Variants in OPCML observed in about 807,000 individuals in gnomAD.
OPCML encodes the protein opioid binding protein/cell adhesion molecule like.
OPCML carries 13 observed loss-of-function variants against 37.8 expected under a neutral mutation model. The observed-to-expected ratio is 0.34, with a 90% CI of 0.22 to 0.55. The LOEUF is 0.55. Among genes scored for constraint, OPCML ranks in the 20% least tolerant of loss-of-function variants. The probability of loss-of-function intolerance (pLI) is 0.91; values close to 1 mark genes in which losing one functional copy is unlikely to be tolerated. For synonymous variants in OPCML, 176 were observed against 168.8 expected, an observed-to-expected ratio of 1.04 and a Z score of -0.33; for missense variants, 341 against 435.6, an observed-to-expected ratio of 0.78 and a Z score of 1.93.
chr11:132,844,784 CAT>C (rs951796502), intron 2 of OPCML, among the ~76,000 whole-genome samples: 18 of 152,082 alleles, frequency 1.2e-4, no homozygotes, highest in African/African-American at 4.3e-4. Flanking sequence ...TTTGCAAAAA[CAT>C]GTGGCAAGTG....
At chr11:132,856,935 C>G (rs2136346002) in intron 2 of OPCML, among the ~76,000 whole-genome samples, 1 of 152,304 alleles carries the variant, frequency 6.6e-6, no homozygotes, top group South Asian at 2.1e-4. Flanking sequence ...TGCTCTAAAA[C>G]TTTTTAAATA....
chr11:132,806,938 G>A (rs757638881), intron 2 of OPCML, among the ~76,000 whole-genome samples: 1 of 152,124 alleles, frequency 6.6e-6, no homozygotes, highest in Non-Finnish European at 1.5e-5. Context: ...AATAACTCAT[G>A]GATCAAAGGA....
intron 1 of OPCML, among the ~76,000 whole-genome samples, chr11:133,479,016 T>G (rs943336465): frequency 6.6e-6 from 1 of 152,206 alleles, no homozygotes; most frequent in South Asian, 2.1e-4. Context: ...ATTGCTTTTC[T>G]TTTTTTGTAT....
intron 1 of OPCML, among the ~76,000 whole-genome samples, chr11:132,946,897 G>C (rs936729080): frequency 6.6e-6 from 1 of 152,170 alleles, no homozygotes; most frequent in African/African-American, 2.4e-5. Context: ...TTCTAGTCTA[G>C]TATCACCAGA....
At chr11:133,298,270 A>C (rs1942678401) in intron 1 of OPCML, 1 of 152,178 alleles carries the variant, frequency 6.6e-6, no homozygotes, top group Non-Finnish European at 1.5e-5. Flanking sequence ...AAAGATAGGG[A>C]GGGAGAGCAG....
At chr11:133,040,551 G>A (rs892867613) in intron 1 of OPCML, among the ~76,000 whole-genome samples, 1 of 152,202 alleles carries the variant, frequency 6.6e-6, no homozygotes, top group Non-Finnish European at 1.5e-5. Context: ...GAGGAGTGTT[G>A]GATGTCTGAA....
intron 1 of OPCML, among the ~76,000 whole-genome samples, chr11:133,231,841 G>A (rs1359506738): frequency 6.6e-6 from 1 of 152,180 alleles, no homozygotes; most frequent in Non-Finnish European, 1.5e-5. Context: ...ATTGTCAAAG[G>A]AGAAGGGGCA....
At chr11:132,892,656 A>G (rs1467692871) in intron 2 of OPCML, among the ~76,000 whole-genome samples, 1 of 152,094 alleles carries the variant, frequency 6.6e-6, no homozygotes, top group East Asian at 1.9e-4. Context: ...AATCCCAGCT[A>G]CTCGGGAGGC....
chr11:132,571,582 T>C (rs1304064761), intron 3 of OPCML, among the ~76,000 whole-genome samples: 1 of 152,146 alleles, frequency 6.6e-6, no homozygotes, highest in Non-Finnish European at 1.5e-5. Flanking sequence ...GGTCCATCCA[T>C]CCTGTCACAT....
intron 1 of OPCML, among the ~76,000 whole-genome samples, chr11:132,945,838 A>T (rs1055062245): frequency 1.3e-5 from 2 of 152,182 alleles, no homozygotes; most frequent in Non-Finnish European, 1.5e-5. Flanking sequence ...GCTGGAGTGC[A>T]GTGGCGCAAT....
intron 1 of OPCML, among the ~76,000 whole-genome samples, chr11:133,441,724 C>A (rs1946368086): frequency 6.6e-6 from 1 of 152,056 alleles, no homozygotes; most frequent in Admixed American, 6.5e-5. Flanking sequence ...GAATTATAAA[C>A]TTCCTTAACT....
intron 3 of OPCML, among the ~76,000 whole-genome samples, chr11:132,590,656 G>A (rs370128963): frequency 2.0e-5 from 3 of 152,218 alleles, no homozygotes; most frequent in Middle Eastern, 3.4e-3. Context: ...CTAGGTTTTC[G>A]TGACTCCAAA....
intron 7 of OPCML, 27 bp from the exon 8 acceptor site, chr11:132,420,320 C>T (rs2095953780): frequency 6.2e-7 from 1 of 1,611,978 alleles, no homozygotes; most frequent in Non-Finnish European, 8.5e-7. Context: ...GAGACAGACC[C>T]ATTAGCATAC....
intron 1 of OPCML, among the ~76,000 whole-genome samples, chr11:133,455,589 G>A (rs1190972662): frequency 6.6e-6 from 1 of 152,044 alleles, no homozygotes; most frequent in African/African-American, 2.4e-5. Flanking sequence ...ATTACCCTCA[G>A]GAAAAAGTTG....
intron 1 of OPCML, among the ~76,000 whole-genome samples, chr11:132,999,336 A>G (rs1283069594): frequency 6.6e-6 from 1 of 152,034 alleles, no homozygotes; most frequent in Non-Finnish European, 1.5e-5. Flanking sequence ...TGTAAAGCAC[A>G]CACAGACTCG....
intron 1 of OPCML, chr11:133,066,172 A>T (rs1458175933): frequency 6.6e-6 from 1 of 152,168 alleles, no homozygotes; most frequent in African/African-American, 2.4e-5. Context: ...AGGGAGTGGG[A>T]CCCTGGCTTG....
At chr11:132,543,463 T>C (rs2096361855) in intron 3 of OPCML, among the ~76,000 whole-genome samples, 1 of 152,022 alleles carries the variant, frequency 6.6e-6, no homozygotes, top group African/African-American at 2.4e-5. Flanking sequence ...TGGTTAGCTG[T>C]GATTGTGCCA....
At chr11:133,390,160 G>A (rs571353807) in intron 1 of OPCML, among the ~76,000 whole-genome samples, 2 of 152,286 alleles carry the variant, frequency 1.3e-5, no homozygotes, top group Admixed American at 1.3e-4. Context: ...TTTACCTAAC[G>A]TTAAGAGGTA....
intron 2 of OPCML, among the ~76,000 whole-genome samples, chr11:132,851,910 G>A (rs1017704471): frequency 6.6e-6 from 1 of 152,146 alleles, no homozygotes; most frequent in Non-Finnish European, 1.5e-5. Flanking sequence ...GCCAGTGAAG[G>A]AGTTCAGGAC....
Sources: gnomAD v4.1 joint callset for allele counts (sites outside exome capture counted in the v4.1 genomes callset) on GRCh38, gnomAD v4.1.1 for gene constraint, MANE v1.5 for transcripts, NCBI Gene and HGNC (gene_info 2026-07-23, HGNC 2026-07-21) for gene names.